STPG1: variants seen among roughly 807,000 people sequenced by gnomAD.
STPG1 encodes the protein O(6)-methylguanine-induced apoptosis 2.
STPG1 carries 33 observed loss-of-function variants against 40.1 expected under a neutral mutation model. That is an observed-to-expected ratio of 0.82 (90% CI 0.62 to 1.10). STPG1 has a LOEUF of 1.10. STPG1 is among the 50% of genes least tolerant of loss of function. The pLI is 0.00. For missense variants in STPG1, 396 were observed against 415.1 expected (o/e 0.95, Z 0.40); for synonymous variants, 150 against 155.0 (o/e 0.97, Z 0.24).
At chr1:24,382,714 G>A (rs11585803) in intron 4 of STPG1, among the ~76,000 whole-genome samples, 55,959 of 151,854 alleles carry the variant, frequency 0.37, 10,433 homozygotes, top group East Asian at 0.46. Flanking sequence ...TTGAGTATCC[G>A]ATTCTGCCAA....
chr1:24,374,974 T>C (rs1641953626), intron 5 of STPG1, among the ~76,000 whole-genome samples: 1 of 152,168 alleles, frequency 6.6e-6, no homozygotes, highest in Non-Finnish European at 1.5e-5. Context: ...CCCATCCCCA[T>C]CCTCATTCCT....
At chr1:24,409,984 G>A (rs140268449) in intron 1 of STPG1, among the ~76,000 whole-genome samples, 7 of 152,278 alleles carry the variant, frequency 4.6e-5, no homozygotes, top group African/African-American at 1.2e-4. Context: ...AAGATCTACA[G>A]TAAGAATAAA....
At chr1:24,393,918 G>T (rs115752691) in intron 2 of STPG1, among the ~76,000 whole-genome samples, 1 of 152,320 alleles carries the variant, frequency 6.6e-6, no homozygotes, top group African/African-American at 2.4e-5. Context: ...GATCCAGATG[G>T]AGCCCCGTGG....
chr1:24,401,612 C>T (rs1302476753), intron 1 of STPG1, among the ~76,000 whole-genome samples, 156 bp from the exon 2 acceptor site: 2 of 152,218 alleles, frequency 1.3e-5, no homozygotes, highest in Admixed American at 1.3e-4. Flanking sequence ...GCACATTGTG[C>T]TGGTGCTGCC....
At chr1:24,377,579 G>T (rs1199507933) in intron 5 of STPG1, among the ~76,000 whole-genome samples, 2 of 152,112 alleles carry the variant, frequency 1.3e-5, no homozygotes, top group African/African-American at 4.8e-5. Context: ...AGGCTGACTT[G>T]GTACTGCCAA....
intron 7 of STPG1, chr1:24,364,594 G>C (rs1641334610): frequency 1.5e-6 from 1 of 681,640 alleles, no homozygotes; most frequent in Admixed American, 4.3e-5. Flanking sequence ...GAAGTGCAGA[G>C]AAAAGCAGAG....
In STPG1 at chr1:24,369,192, C is replaced by T. The variant is rs142543586; in HGVS notation, c.737+482G>A. 2.0e-3 allele frequency: 711 copies of T among 364,150 alleles called. 5 individuals carry two copies. The highest frequency in any genetic ancestry group is 0.013 in the African/African-American group (614 of 46,692). The allele number at this position is 364,150 out of a possible 1,614,324, so 22.6% of individuals were successfully genotyped here. A position where few individuals can be genotyped will look rare whatever the true frequency, so the allele number is the denominator to read the frequency against. On this transcript the variant is annotated intron_variant, in intron 7 of 8. Coordinates refer to ENST00000337248, the MANE Select transcript of STPG1 (RefSeq NM_001199013.2). The stretch of plus-strand genomic sequence containing the variant: ...CGAAAGTCAGGGCTTAAACTTCCAT[C>T]GGTATAAAGCTATGAGAGCTTGACT...
At chr1:24,389,161 G>T (rs1642641406) in intron 3 of STPG1, among the ~76,000 whole-genome samples, 1 of 152,124 alleles carries the variant, frequency 6.6e-6, no homozygotes, top group Admixed American at 6.5e-5. Context: ...CTGCCTCCTT[G>T]GTTCCTTTAG....
At chr1:24,406,325 CT>C (rs1488444986) in intron 1 of STPG1, among the ~76,000 whole-genome samples, 4 of 152,040 alleles carry the variant, frequency 2.6e-5, no homozygotes, top group African/African-American at 9.7e-5. Flanking sequence ...CTTCCATTTC[CT>C]ACCTTCCATC....
intron 7 of STPG1, among the ~76,000 whole-genome samples, chr1:24,366,130 G>A (rs1025271821): frequency 6.6e-6 from 1 of 152,196 alleles, no homozygotes; most frequent in Non-Finnish European, 1.5e-5. Flanking sequence ...CTGTAACTCT[G>A]CCCAAGAATG....
At chr1:24,411,478 C>T (rs549136010) in intron 1 of STPG1, among the ~76,000 whole-genome samples, 16 of 152,122 alleles carry the variant, frequency 1.1e-4, no homozygotes, top group Non-Finnish European at 1.8e-4. Context: ...CTTGCTGTGT[C>T]GTCCACTTGC....
Position 24,365,634 on chromosome 1 carries a change from C to T in STPG1, c.737+4040G>A, listed in dbSNP as rs138028501. On this transcript the variant is annotated intron_variant, in intron 7 of 8. Coordinates refer to ENST00000337248, the MANE Select transcript of STPG1 (RefSeq NM_001199013.2). ...AGCCCCAAGCACAGCATCCGCCCTG[C>T]GGGGCCACACTAGAAACCCTAGGAA... is the stretch of plus-strand genomic sequence containing the variant. Among the ~76,000 whole-genome samples the T allele has an allele frequency of 8.3e-3, 1,258 of 152,348 alleles. 21 individuals are homozygous for T. The highest frequency in any genetic ancestry group is 0.027 in the African/African-American group (1,138 of 41,580).
At position 24,391,558 on chromosome 1, in the gene STPG1, T is replaced by C. The variant is rs1382905646; in HGVS notation, c.189+3A>G. On this transcript the variant is annotated splice_donor_region_variant and intron_variant, in intron 3 of 8. Coordinates refer to ENST00000337248, the MANE Select transcript of STPG1 (RefSeq NM_001199013.2). ...GAAAGAACCCCTGAGACAACGTCATTACCTTCTTATGAGGAAATCTCTTGG... is the reference window on the plus strand; with the variant it reads ...GAAAGAACCCCTGAGACAACGTCATCACCTTCTTATGAGGAAATCTCTTGG... 4 of 1,502,816 alleles carry C rather than the reference T, an allele frequency of 2.7e-6. No individual in the cohort carries two copies. In the African/African-American group the frequency reaches 5.5e-5, roughly 21 times the overall value. The allele number at this position is 1,502,816 out of a possible 1,614,324, so 93.1% of individuals were successfully genotyped here.
rs1642772410 is a variant in STPG1, at chr1:24,391,552, C to T, written c.189+9G>A. Reference sequence around the variant, plus strand: ...TAAAACGAAAGAACCCCTGAGACAACGTCATTACCTTCTTATGAGGAAATC... The same window carrying T: ...TAAAACGAAAGAACCCCTGAGACAATGTCATTACCTTCTTATGAGGAAATC... On this transcript the variant is annotated intron_variant, in intron 3 of 8. Coordinates refer to ENST00000337248, the MANE Select transcript of STPG1 (RefSeq NM_001199013.2). 4.7e-6 allele frequency: 7 copies of T among 1,478,488 alleles called. No individual in the cohort carries two copies. Among genetic ancestry groups the T allele is most frequent in the Admixed American group, 2.0e-5 (1 of 50,262 alleles). 91.6% of individuals were successfully genotyped at this position (1,478,488 alleles called of 1,614,324 possible).
At chr1:24,409,691 A>G (rs1643539854) in intron 1 of STPG1, among the ~76,000 whole-genome samples, 1 of 152,120 alleles carries the variant, frequency 6.6e-6, no homozygotes, top group Non-Finnish European at 1.5e-5. Flanking sequence ...ACTCCACCCT[A>G]CCTGGGATGT....
intron 2 of STPG1, among the ~76,000 whole-genome samples, chr1:24,400,448 T>G (rs12118619): frequency 7.0e-4 from 106 of 152,346 alleles, no homozygotes; most frequent in Non-Finnish European, 1.4e-3. Flanking sequence ...ATAGGTGGTG[T>G]TTTCTTTGTG....
At chr1:24,387,372 G>T (rs986510343) in intron 3 of STPG1, among the ~76,000 whole-genome samples, 3 of 152,126 alleles carry the variant, frequency 2.0e-5, no homozygotes, top group African/African-American at 4.8e-5. Flanking sequence ...GGGGTTTGTG[G>T]GGTCTGGAAA....
chr1:24,382,999 C>T (rs1319724535), intron 4 of STPG1, among the ~76,000 whole-genome samples: 3 of 149,228 alleles, frequency 2.0e-5, no homozygotes, highest in Non-Finnish European at 4.4e-5. Flanking sequence ...GCAGCCTCAA[C>T]CTCCTGGGCT....
chr1:24,358,265 G>A lies in STPG1; in HGVS notation c.*278C>T, dbSNP rs548004034. 2.2e-5 allele frequency: 14 copies of A among 636,832 alleles called. No homozygotes were observed. The highest frequency in any genetic ancestry group is 1.8e-4 in the African/African-American group (10 of 55,930). 39.4% of individuals were successfully genotyped at this position (636,832 alleles called of 1,614,324 possible). A position where few individuals can be genotyped will look rare whatever the true frequency, so the allele number is the denominator to read the frequency against. On this transcript the variant is annotated 3_prime_UTR_variant, in exon 9 of 9. Coordinates refer to ENST00000337248, the MANE Select transcript of STPG1 (RefSeq NM_001199013.2). ...GCCGGAAGGCAGCCTGGATGGGTGC[G>A]TGGGGAAGCAGCCAGGGGGCTCTGT...
Sources: gnomAD v4.1 joint callset for allele counts (sites outside exome capture counted in the v4.1 genomes callset) on GRCh38, gnomAD v4.1.1 for gene constraint, MANE v1.5 for transcripts, NCBI Gene and HGNC (gene_info 2026-07-23, HGNC 2026-07-21) for gene names.